WASL: variants seen among roughly 807,000 people sequenced by gnomAD.
WASL encodes actin nucleation-promoting factor WASL.
Under a neutral mutation model 55.5 loss-of-function variants are expected in WASL, and 20 were observed. The observed-to-expected ratio is 0.36, with a 90% CI of 0.25 to 0.52. The LOEUF (loss-of-function observed/expected upper bound fraction) is 0.52, where lower values mean the gene tolerates loss of function less well. WASL is among the 20% of genes least tolerant of loss of function. The probability of loss-of-function intolerance (pLI) is 0.92; values close to 1 mark genes in which losing one functional copy is unlikely to be tolerated. For synonymous variants in WASL, 249 were observed against 217.6 expected (o/e 1.14, Z -1.27); for missense variants, 504 against 622.5 (o/e 0.81, Z 2.03).
At chr7:123,687,474 T>C (rs955266720) in intron 10 of WASL, among the ~76,000 whole-genome samples, 1 of 152,160 alleles carries the variant, frequency 6.6e-6, no homozygotes, top group African/African-American at 2.4e-5. Context: ...TTCTGTTCTT[T>C]CCATCGGATA....
rs760156239 is a variant in WASL at position 123,692,784 on chromosome 7, C to CAGGAGG, written c.904_909dup (p.Pro302_Pro303dup). Reference sequence around the variant, plus strand: ...GGGGGAGGAGCGCCTCTTCCCCTAGCAGGAGGAGGAGGAGGACCTGAGTTG... The same window carrying CAGGAGG: ...GGGGGAGGAGCGCCTCTTCCCCTAGCAGGAGGAGGAGGAGGAGGAGGACCTGAGTTG... On this transcript the variant is annotated inframe_insertion, in exon 9 of 11. Transcript: ENST00000223023. 60 of 1,462,622 alleles carry CAGGAGG rather than the reference C, an allele frequency of 4.1e-5. No individual in the cohort carries two copies. In the East Asian group the frequency reaches 1.4e-3, roughly 35 times the overall value. 90.6% of individuals were successfully genotyped at this position (1,462,622 alleles called of 1,614,324 possible).
intron 9 of WASL, among the ~76,000 whole-genome samples, chr7:123,689,496 A>C (rs1803358438): frequency 6.6e-6 from 1 of 152,198 alleles, no homozygotes; most frequent in African/African-American, 2.4e-5. Flanking sequence ...AGCTTTTATC[A>C]AGGGATTTCA....
At chr7:123,717,116 T>G (rs1476666160) in intron 1 of WASL, among the ~76,000 whole-genome samples, 1 of 151,936 alleles carries the variant, frequency 6.6e-6, no homozygotes, top group East Asian at 1.9e-4. Flanking sequence ...TACCTTAATT[T>G]TGGGGCAGGG....
chr7:123,724,753 T>C lies in WASL; in HGVS notation c.118-15530A>G, dbSNP rs149819199. ...CATTACAAACTGCTAATCTGTGGTA[T>C]TGAAATTATTTTTAGAAGAATGATG... On this transcript the variant is annotated intron_variant, in intron 1 of 10. Transcript: ENST00000223023. Among the ~76,000 whole-genome samples the C allele has an allele frequency of 1.9e-3, 285 of 152,352 alleles. 2 individuals are homozygous for C. Among genetic ancestry groups the C allele is most frequent in the East Asian group, 9.6e-3 (50 of 5,190 alleles).
chr7:123,696,884 T>G (rs1803501930), intron 5 of WASL, 137 bp from the exon 6 acceptor site: 1 of 665,560 alleles, frequency 1.5e-6, no homozygotes, highest in East Asian at 3.8e-5. Flanking sequence ...CTTCTACATT[T>G]TTTTCATAAA....
chr7:123,730,319 A>C (rs1804116055), intron 1 of WASL, among the ~76,000 whole-genome samples: 1 of 152,144 alleles, frequency 6.6e-6, no homozygotes, highest in Admixed American at 6.5e-5. Flanking sequence ...TTTTTAATTG[A>C]TCTCATAGAA....
At chr7:123,699,902 C>T (rs1178912483) in intron 5 of WASL, among the ~76,000 whole-genome samples, 5 of 152,018 alleles carry the variant, frequency 3.3e-5, no homozygotes, top group Admixed American at 2.0e-4. Context: ...TAAGGCCGGG[C>T]GCGGTGGCTC....
chr7:123,718,552 A>T (rs1203385414), intron 1 of WASL, among the ~76,000 whole-genome samples: 1 of 152,096 alleles, frequency 6.6e-6, no homozygotes, highest in African/African-American at 2.4e-5. Context: ...ATGTTTTAAG[A>T]ATCCTTCATA....
chr7:123,684,508 TA>T lies in WASL; in HGVS notation c.*10del. On this transcript the variant is annotated 3_prime_UTR_variant, in exon 11 of 11. Coordinates refer to ENST00000223023, the MANE Select transcript of WASL (RefSeq NM_003941.4). ...CACCTTAAAAATATATATATATATATAATATATAGATCAGTCTTCCCACTCA... is the reference window on the plus strand; with the variant it reads ...CACCTTAAAAATATATATATATATATATATATAGATCAGTCTTCCCACTCA... 1.5e-6 allele frequency: 1 copy of T among 645,434 alleles called. No individual in the cohort carries two copies. Among genetic ancestry groups the T allele is most frequent in the Non-Finnish European group, 2.6e-6 (1 of 391,206 alleles). 40.0% of individuals were successfully genotyped at this position (645,434 alleles called of 1,614,324 possible).
In WASL at chr7:123,683,037, C is replaced by T. The variant is rs1015679858; in HGVS notation, c.*1482G>A. ...TAATAAATGGTTAAAATTCAAGCCA[C>T]ATCTTGCAGGTCCAGCCTGTCAAGA... On this transcript the variant is annotated 3_prime_UTR_variant, in exon 11 of 11. Coordinates refer to ENST00000223023, the MANE Select transcript of WASL (RefSeq NM_003941.4). 6.6e-6 allele frequency: 1 copy of T among 152,074 alleles called. No homozygotes were observed. Among genetic ancestry groups the T allele is most frequent in the African/African-American group, 2.4e-5 (1 of 41,412 alleles). The allele number at this position is 152,074 out of a possible 1,614,324, so 9.4% of individuals were successfully genotyped here.
chr7:123,689,856 T>C (rs1803370388), intron 9 of WASL, among the ~76,000 whole-genome samples: 2 of 151,398 alleles, frequency 1.3e-5, no homozygotes, highest in African/African-American at 4.8e-5. Context: ...AATACATACA[T>C]ATATAATATA....
intron 1 of WASL, among the ~76,000 whole-genome samples, chr7:123,711,818 G>A (rs10252447): frequency 0.021 from 3,264 of 152,146 alleles, 139 homozygotes; most frequent in African/African-American, 0.075. Context: ...TGCTTAGGAA[G>A]GGAAATCTAT....
intron 2 of WASL, among the ~76,000 whole-genome samples, chr7:123,707,981 T>C (rs765273965): frequency 2.0e-5 from 3 of 151,864 alleles, no homozygotes; most frequent in African/African-American, 7.3e-5. Flanking sequence ...AGTCCAGGAG[T>C]TTGAATCCAG....
chr7:123,733,858 A>G (rs1270585107), intron 1 of WASL, among the ~76,000 whole-genome samples: 1 of 151,710 alleles, frequency 6.6e-6, no homozygotes, highest in African/African-American at 2.4e-5. Flanking sequence ...GCAATCCAAT[A>G]AAGAACTGAT....
At chr7:123,732,325 GTCTCGA>G (rs1804153756) in intron 1 of WASL, among the ~76,000 whole-genome samples, 3 of 152,106 alleles carry the variant, frequency 2.0e-5, no homozygotes, top group Middle Eastern at 6.8e-3. Context: ...GCGAGACTCT[GTCTCGA>G]AAAATAAAAA....
rs138588268 is a variant in WASL, at chr7:123,692,530, C to A, written c.1164G>T (p.Pro388=). The A allele has an allele frequency of 9.2e-5, 149 of 1,613,608 alleles. No homozygotes were observed. In the African/African-American group the frequency reaches 1.9e-3, roughly 21 times the overall value. ...GGTCCCCATCAGAAGGCAGGCCAGG[C>A]GGGGGCGGTGGCCCAGGAGGAGGTG... ...PPPPPPGPPP[P]PGLPSDGDHQ... is the part of the protein sequence containing the mutation. The change falls in exon 9 of 11, where the codon CCG becomes CCT. Residue 388 remains proline (P), a synonymous_variant. Coordinates refer to ENST00000223023, the MANE Select transcript of WASL (RefSeq NM_003941.4).
At chr7:123,704,190 A>G (rs1274997063) in intron 5 of WASL, among the ~76,000 whole-genome samples, 1 of 152,210 alleles carries the variant, frequency 6.6e-6, no homozygotes, top group Non-Finnish European at 1.5e-5. Flanking sequence ...CATATAACAC[A>G]TAAGCAATGT....
intron 1 of WASL, among the ~76,000 whole-genome samples, chr7:123,724,544 T>G (rs1360023420): frequency 6.6e-6 from 1 of 152,218 alleles, no homozygotes; most frequent in Non-Finnish European, 1.5e-5. Context: ...ACCAAAACAC[T>G]GTTCACCCTC....
intron 1 of WASL, among the ~76,000 whole-genome samples, chr7:123,743,923 TCA>T (rs950411055): frequency 1.3e-5 from 2 of 152,258 alleles, no homozygotes; most frequent in Admixed American, 6.5e-5. Context: ...CTACGCTGCG[TCA>T]CATACATTTT....
Sources: gnomAD v4.1 joint callset for allele counts (sites outside exome capture counted in the v4.1 genomes callset) on GRCh38, gnomAD v4.1.1 for gene constraint, MANE v1.5 for transcripts, NCBI Gene and HGNC (gene_info 2026-07-23, HGNC 2026-07-21) for gene names.